MAN2A1: variants seen among roughly 807,000 people sequenced by gnomAD.
The protein encoded by MAN2A1 is alpha-mannosidase 2.
A neutral mutation model predicts 142.6 loss-of-function variants in MAN2A1; 76 were observed. The observed-to-expected ratio is 0.53, with a 90% CI of 0.44 to 0.65. The LOEUF (loss-of-function observed/expected upper bound fraction) is 0.65. Among genes scored for constraint, MAN2A1 ranks in the 30% least tolerant of loss-of-function variants. MAN2A1 has a pLI of 0.00. For synonymous variants in MAN2A1, 559 were observed against 473.2 expected (o/e 1.18, Z -2.35); for missense variants, 1,311 against 1,365.1 (o/e 0.96, Z 0.62).
intron 21 of MAN2A1, 49 bp from the exon 22 acceptor site, chr5:109,866,796 TA>T: frequency 8.0e-7 from 1 of 1,249,302 alleles, no homozygotes; most frequent in Non-Finnish European, 1.2e-6. Context: ...GTTGTGCTGC[TA>T]ATCTTCAAAG....
intron 2 of MAN2A1, among the ~76,000 whole-genome samples, chr5:109,714,999 A>C (rs1582816388): frequency 6.6e-6 from 1 of 152,024 alleles, no homozygotes; most frequent in East Asian, 2.0e-4. Context: ...CAAAAAAAAA[A>C]AAAAAAAATT....
chr5:109,770,121 GTC>G (rs1753103202), intron 6 of MAN2A1, among the ~76,000 whole-genome samples: 1 of 152,256 alleles, frequency 6.6e-6, no homozygotes, highest in East Asian at 1.9e-4. Flanking sequence ...GGGCTTTCCT[GTC>G]TCTGCTATGC....
intron 16 of MAN2A1, among the ~76,000 whole-genome samples, chr5:109,838,427 T>G (rs1178746187): frequency 1.3e-5 from 2 of 151,926 alleles, no homozygotes; most frequent in African/African-American, 4.8e-5. Context: ...GCCACTTTAG[T>G]AAAAAAAATA....
At chr5:109,719,903 A>T (rs1022061155) in intron 3 of MAN2A1, among the ~76,000 whole-genome samples, 2 of 152,306 alleles carry the variant, frequency 1.3e-5, no homozygotes, top group African/African-American at 4.8e-5. Context: ...AGTGTTTTAC[A>T]TGAGTAAAAA....
intron 5 of MAN2A1, among the ~76,000 whole-genome samples, chr5:109,766,396 T>TA (rs1184679333): frequency 6.6e-6 from 1 of 152,222 alleles, no homozygotes; most frequent in Non-Finnish European, 1.5e-5. Flanking sequence ...GCACAAATCT[T>TA]ATGTGGTCAG....
intron 4 of MAN2A1, among the ~76,000 whole-genome samples, chr5:109,734,093 G>T (rs976749211): frequency 2.0e-5 from 3 of 152,086 alleles, no homozygotes; most frequent in African/African-American, 7.2e-5. Context: ...AGTCTTGGGA[G>T]GGTGTATGTG....
At chr5:109,713,235 TG>T (rs1310873515) in intron 1 of MAN2A1, among the ~76,000 whole-genome samples, 1 of 152,198 alleles carries the variant, frequency 6.6e-6, no homozygotes, top group Non-Finnish European at 1.5e-5. Context: ...GGACTGAGTT[TG>T]GGGGGAACAG....
At chr5:109,733,814 T>C (rs1268142302) in intron 4 of MAN2A1, among the ~76,000 whole-genome samples, 1 of 152,242 alleles carries the variant, frequency 6.6e-6, no homozygotes, top group East Asian at 1.9e-4. Flanking sequence ...GATATTGGTC[T>C]AAAATTCTCT....
chr5:109,818,648 A>C (rs77713192), intron 13 of MAN2A1, among the ~76,000 whole-genome samples: 1 of 151,424 alleles, frequency 6.6e-6, no homozygotes, highest in African/African-American at 2.4e-5. Flanking sequence ...ATAATATTGC[A>C]AAAAAAATTA....
At chr5:109,841,356 T>C (rs1206858696) in intron 16 of MAN2A1, among the ~76,000 whole-genome samples, 1 of 152,204 alleles carries the variant, frequency 6.6e-6, no homozygotes, top group Non-Finnish European at 1.5e-5. Flanking sequence ...CTTTGCATCC[T>C]CATAGCTTAG....
At chr5:109,840,729 A>T (rs753845214) in intron 16 of MAN2A1, 1 of 365,020 alleles carries the variant, frequency 2.7e-6, no homozygotes, top group Non-Finnish European at 5.3e-6. Flanking sequence ...CCCAAGGGGG[A>T]TGGAAGGGAA....
At chr5:109,706,752 A>G (rs931399707) in intron 1 of MAN2A1, among the ~76,000 whole-genome samples, 12 of 147,588 alleles carry the variant, frequency 8.1e-5, no homozygotes, top group African/African-American at 2.8e-4. Flanking sequence ...GATTTGAAGG[A>G]AAAAAAAAAC....
intron 16 of MAN2A1, among the ~76,000 whole-genome samples, chr5:109,836,678 TG>T (rs1259894954): frequency 6.6e-6 from 1 of 152,184 alleles, no homozygotes; most frequent in Non-Finnish European, 1.5e-5. Flanking sequence ...TTCTTCTTGC[TG>T]TCTCAGAAAA....
chr5:109,781,294 G>A (rs1014790569), intron 8 of MAN2A1, 102 bp from the exon 9 acceptor site: 1 of 638,814 alleles, frequency 1.6e-6, no homozygotes, highest in Admixed American at 3.6e-5. Flanking sequence ...TCTTAACTTG[G>A]AAACACATGT....
At chr5:109,711,968 G>C (rs1425150735) in intron 1 of MAN2A1, among the ~76,000 whole-genome samples, 1 of 152,104 alleles carries the variant, frequency 6.6e-6, no homozygotes, top group Non-Finnish European at 1.5e-5. Flanking sequence ...CATCTTTCAG[G>C]TCTGAGAAGG....
At position 109,765,921 on chromosome 5, in the gene MAN2A1, TG is replaced by T. The variant is rs549764899; in HGVS notation, c.836-1612del. ...TATTCCAGGCTATCATGTACTTTCCTGGCTTCAGCCTTGGAATAAGCTATTT... is the reference window on the plus strand; with the variant it reads ...TATTCCAGGCTATCATGTACTTTCCTGCTTCAGCCTTGGAATAAGCTATTT... On this transcript the variant is annotated intron_variant, in intron 5 of 21. Transcript: ENST00000261483. Among the ~76,000 whole-genome samples the T allele has an allele frequency of 7.0e-4, 107 of 152,266 alleles. 2 individuals are homozygous for T. The highest frequency in any genetic ancestry group is 1.3e-3 in the Non-Finnish European group (91 of 67,990).
chr5:109,700,443 T>A (rs1750946099), intron 1 of MAN2A1, among the ~76,000 whole-genome samples: 1 of 152,186 alleles, frequency 6.6e-6, no homozygotes. Context: ...CCCTTCTGTT[T>A]CTTCATACCA....
intron 4 of MAN2A1, among the ~76,000 whole-genome samples, chr5:109,742,643 A>C (rs1454667750): frequency 1.3e-5 from 2 of 152,206 alleles, no homozygotes; most frequent in Non-Finnish European, 2.9e-5. Context: ...TATACGTTTT[A>C]TACAGGTTGG....
rs1218955831 is a variant in MAN2A1, at chr5:109,770,692, T to C, written c.1196+151T>C. On this transcript the variant is annotated intron_variant, in intron 7 of 21. Transcript: ENST00000261483. ...AACCAGATCTAAAGCAACTTAAAAA[T>C]GCCAGAGCCTTGACTATGCCGGTTA... 6 of 684,642 alleles carry C rather than the reference T, an allele frequency of 8.8e-6. No homozygotes were observed. The African/African-American group carries it at 1.1e-4, about 12-fold the overall frequency. The allele number at this position is 684,642 out of a possible 1,614,324, so 42.4% of individuals were successfully genotyped here.
Sources: allele counts gnomAD v4.1 joint callset (sites outside exome capture counted in the v4.1 genomes callset), GRCh38; gene constraint gnomAD v4.1.1; transcripts MANE v1.5; gene names NCBI Gene and HGNC (gene_info 2026-07-23, HGNC 2026-07-21).